Variants in SMCO4 observed in about 807,000 individuals in gnomAD.
SMCO4 encodes single-pass membrane and coiled-coil domain-containing protein 4.
In SMCO4, 4 loss-of-function variants were observed where a neutral mutation model predicts 3.6. That is an observed-to-expected ratio of 1.11 (90% CI 0.54 to 2.53). The LOEUF (loss-of-function observed/expected upper bound fraction) is 2.53, where lower values mean the gene tolerates loss of function less well. Ranked by LOEUF, SMCO4 falls within the 30% of genes most tolerant of loss-of-function variation. The pLI, the probability that SMCO4 is intolerant of heterozygous loss-of-function variation, is 0.02. For synonymous variants in SMCO4, 36 were observed against 35.3 expected (o/e 1.02, Z -0.07); for missense variants, 70 against 80.8 (o/e 0.87, Z 0.51).
intron 1 of SMCO4, 75 bp downstream of exon 1, chr11:93,543,201 G>GGTGCCCC (rs1235965229): frequency 7.9e-6 from 1 of 126,100 alleles, no homozygotes; most frequent in African/African-American, 2.6e-5. Context: ...CCCGGTGCCC[G>GGTGCCCC]GTGCCCCGTG....
intron 2 of SMCO4, among the ~76,000 whole-genome samples, chr11:93,481,085 G>A (rs1948587501): frequency 6.6e-6 from 1 of 152,002 alleles, no homozygotes; most frequent in Admixed American, 6.6e-5. Context: ...GGCCTGAAAG[G>A]TATAGGAACC....
intron 1 of SMCO4, among the ~76,000 whole-genome samples, chr11:93,501,989 T>C (rs998591943): frequency 2.0e-5 from 3 of 151,742 alleles, no homozygotes; most frequent in Admixed American, 6.6e-5. Flanking sequence ...CAGACTGCAA[T>C]GGGCACCACC....
intron 1 of SMCO4, among the ~76,000 whole-genome samples, chr11:93,522,845 C>T (rs915768518): frequency 1.3e-5 from 2 of 152,094 alleles, no homozygotes; most frequent in Non-Finnish European, 2.9e-5. Flanking sequence ...ACTTAAAAAC[C>T]ACTACCACCA....
At chr11:93,540,113 G>T (rs1041609736) in intron 1 of SMCO4, among the ~76,000 whole-genome samples, 6 of 152,110 alleles carry the variant, frequency 3.9e-5, no homozygotes, top group African/African-American at 1.4e-4. Flanking sequence ...TTCATTGCGC[G>T]TGCTGGGGCT....
intron 1 of SMCO4, among the ~76,000 whole-genome samples, chr11:93,514,468 C>T (rs1398022012): frequency 7.2e-6 from 1 of 139,150 alleles, no homozygotes; most frequent in Admixed American, 7.7e-5. Flanking sequence ...TAATTCCTGA[C>T]ATCAATTCCC....
At chr11:93,506,068 C>A (rs1002256720) in intron 1 of SMCO4, among the ~76,000 whole-genome samples, 3 of 152,140 alleles carry the variant, frequency 2.0e-5, no homozygotes, top group African/African-American at 7.2e-5. Context: ...TTTATACACA[C>A]ATACACACCT....
At chr11:93,501,502 A>G (rs1948837633) in intron 1 of SMCO4, among the ~76,000 whole-genome samples, 2 of 152,162 alleles carry the variant, frequency 1.3e-5, no homozygotes, top group Non-Finnish European at 2.9e-5. Context: ...TGGCCACATC[A>G]TTCCGACCTC....
chr11:93,525,477 G>A (rs1408644642), intron 1 of SMCO4, among the ~76,000 whole-genome samples: 1 of 152,136 alleles, frequency 6.6e-6, no homozygotes, highest in Non-Finnish European at 1.5e-5. Flanking sequence ...TAGAGTTAGT[G>A]AGGATCAGCA....
intron 2 of SMCO4, among the ~76,000 whole-genome samples, chr11:93,498,604 T>G (rs1206290051): frequency 2.6e-5 from 4 of 152,116 alleles, no homozygotes; most frequent in African/African-American, 4.8e-5. Flanking sequence ...CAAAATCAAA[T>G]GTGAAAAAAA....
chr11:93,551,702 A>T, the SMCO4 span, among the ~76,000 whole-genome samples: 1 of 152,212 alleles, frequency 6.6e-6, no homozygotes, highest in African/African-American at 2.4e-5. Context: ...TTTAATGCTC[A>T]TAGTGTCTAC....
intron 1 of SMCO4, among the ~76,000 whole-genome samples, chr11:93,542,114 G>GAAAAA (rs11417314): frequency 1.3e-5 from 2 of 148,514 alleles, no homozygotes; most frequent in Non-Finnish European, 1.5e-5. Flanking sequence ...TTGTAAAGGG[G>GAAAAA]AAAAAAAAAA....
intron 1 of SMCO4, among the ~76,000 whole-genome samples, chr11:93,538,756 G>A (rs1300094789): frequency 6.6e-6 from 1 of 152,152 alleles, no homozygotes; most frequent in Non-Finnish European, 1.5e-5. Flanking sequence ...AAGCTCTATG[G>A]ATTCCAACAA....
chr11:93,541,319 C>G lies in SMCO4; in HGVS notation c.-154+1957G>C, dbSNP rs570622119. ...TGGAGCAATTTTTAATGTGCTGCCT[C>G]TAACTCACTGCTTGCCTTTTACTAC... On this transcript the variant is annotated intron_variant, in intron 1 of 2. Coordinates refer to ENST00000298966, the MANE Select transcript of SMCO4 (RefSeq NM_020179.3). Among the ~76,000 whole-genome samples, 8 of 152,304 alleles carry G rather than the reference C, an allele frequency of 5.3e-5. No individual in the cohort carries two copies. The East Asian group carries it at 1.4e-3, about 26-fold the overall frequency.
intron 1 of SMCO4, among the ~76,000 whole-genome samples, chr11:93,528,662 G>A (rs1949134300): frequency 6.6e-6 from 1 of 152,150 alleles, no homozygotes; most frequent in Non-Finnish European, 1.5e-5. Flanking sequence ...GGGCTGCCCA[G>A]AGTGGGTGGA....
the SMCO4 span, among the ~76,000 whole-genome samples, chr11:93,551,752 G>A: frequency 6.6e-6 from 1 of 152,178 alleles, no homozygotes; most frequent in Admixed American, 6.5e-5. Flanking sequence ...ACAAACACCT[G>A]TTTAATGGGA....
intron 1 of SMCO4, among the ~76,000 whole-genome samples, chr11:93,499,909 G>T (rs1338723243): frequency 6.6e-6 from 1 of 152,200 alleles, no homozygotes; most frequent in Non-Finnish European, 1.5e-5. Flanking sequence ...ACAGAGGACA[G>T]CCAACAAATT....
chr11:93,514,766 A>G (rs1948994341), intron 1 of SMCO4, among the ~76,000 whole-genome samples: 1 of 152,062 alleles, frequency 6.6e-6, no homozygotes, highest in African/African-American at 2.4e-5. Context: ...GGTTTACTGA[A>G]GGTATCGTTT....
intron 1 of SMCO4, among the ~76,000 whole-genome samples, chr11:93,528,130 C>T (rs1949128073): frequency 6.6e-6 from 1 of 152,014 alleles, no homozygotes; most frequent in African/African-American, 2.4e-5. Context: ...AAAAAGCCCT[C>T]CTATAATATG....
chr11:93,512,361 T>A (rs1422306915), intron 1 of SMCO4, among the ~76,000 whole-genome samples: 1 of 152,170 alleles, frequency 6.6e-6, no homozygotes, highest in Non-Finnish European at 1.5e-5. Context: ...TCCGTGTTTG[T>A]GGTGATGCTG....
Sources: gnomAD v4.1 joint callset for allele counts (sites outside exome capture counted in the v4.1 genomes callset) on GRCh38, gnomAD v4.1.1 for gene constraint, MANE v1.5 for transcripts, NCBI Gene and HGNC (gene_info 2026-07-23, HGNC 2026-07-21) for gene names.